The following CNTFR variants were observed in gnomAD, a reference collection of about 807,000 sequenced individuals.
CNTFR encodes ciliary neurotrophic factor receptor.
A neutral mutation model predicts 40.4 loss-of-function variants in CNTFR; 12 were observed. The ratio of observed to expected loss-of-function variants is 0.30; its 90% CI spans 0.19 to 0.48. CNTFR has a LOEUF of 0.48. CNTFR is among the 20% of genes least tolerant of loss of function. CNTFR has a pLI of 0.99. For synonymous variants in CNTFR, 202 were observed against 209.6 expected (o/e 0.96, Z 0.31); for missense variants, 414 against 506.8 (o/e 0.82, Z 1.76).
chr9:34,554,935 C>G (rs1333399987), intron 7 of CNTFR, among the ~76,000 whole-genome samples: 1 of 152,254 alleles, frequency 6.6e-6, no homozygotes, highest in African/African-American at 2.4e-5. Context: ...CGCCACGGAG[C>G]CTGCACACTT....
chr9:34,577,589 A>G (rs558093134), intron 2 of CNTFR, among the ~76,000 whole-genome samples: 1 of 28,718 alleles, frequency 3.5e-5, no homozygotes, highest in East Asian at 1.2e-3. Flanking sequence ...AAAGAAAGAT[A>G]TCAGGAGCTC....
chr9:34,559,878 C>T (rs941462145), intron 4 of CNTFR, among the ~76,000 whole-genome samples: 1 of 152,168 alleles, frequency 6.6e-6, no homozygotes, highest in Non-Finnish European at 1.5e-5. Context: ...AGCCTCCCCA[C>T]TGACCAGGCT....
In CNTFR at chr9:34,564,724, G is replaced by A; in HGVS notation, c.194C>T (p.Ala65Val). 1 of 1,614,132 alleles carries A rather than the reference G, an allele frequency of 6.2e-7. No individual in the cohort carries two copies. The highest frequency in any genetic ancestry group is 8.5e-7 in the Non-Finnish European group (1 of 1,180,012). ...VTWRVNGTDL[A>V]PDLLNGSQLV... ...CTGAGAGCCGTTGAGCAGGTCAGGGGCCAGGTCTGTCCCATTTACCCGCCA... is the reference window on the plus strand; with the variant it reads ...CTGAGAGCCGTTGAGCAGGTCAGGGACCAGGTCTGTCCCATTTACCCGCCA... Residue 65 changes from alanine to valine, a missense_variant, in exon 4 of 10, where the codon GCC becomes GTC. Ala to Val is a moderately conservative substitution (Grantham distance 64). This residue lies in a region of CNTFR where 250 missense variants were observed against 269.5 expected (regional missense o/e 0.93). Transcript: ENST00000378980.
chr9:34,555,490 G>A (rs186578945), intron 7 of CNTFR, among the ~76,000 whole-genome samples: 70 of 152,206 alleles, frequency 4.6e-4, no homozygotes, highest in Admixed American at 1.7e-3. Context: ...GGCCCTCAAA[G>A]CAAGAGAACC....
At chr9:34,553,377 T>C (rs1825712761) in intron 7 of CNTFR, among the ~76,000 whole-genome samples, 1 of 152,166 alleles carries the variant, frequency 6.6e-6, no homozygotes, top group Non-Finnish European at 1.5e-5. Flanking sequence ...TTACTTAACA[T>C]CCTCATGCCT....
rs941687039 is a variant in CNTFR at position 34,552,576 on chromosome 9, A to G, written c.949+98T>C. On this transcript the variant is annotated intron_variant, in intron 8 of 9. Coordinates refer to ENST00000378980, the MANE Select transcript of CNTFR (RefSeq NM_147164.3). The surrounding 1 kb of genome is among the most constrained non-coding windows in gnomAD (Gnocchi z 5.1). ...AGGCAGAAGTGTGGCTACCCCCGGG[A>G]GCAGAGGCTGGAGGCAGCAGGGTAG... 5.3e-5 allele frequency: 69 copies of G among 1,301,220 alleles called. No homozygotes were observed. The highest frequency in any genetic ancestry group is 7.1e-5 in the Non-Finnish European group (68 of 960,682). The allele number at this position is 1,301,220 out of a possible 1,614,324, so 80.6% of individuals were successfully genotyped here.
chr9:34,570,631 C>T (rs2132193132), intron 2 of CNTFR, among the ~76,000 whole-genome samples: 1 of 152,234 alleles, frequency 6.6e-6, no homozygotes, highest in East Asian at 1.9e-4. Context: ...CAAACACTGC[C>T]AGAGACACTG....
At chr9:34,555,528 T>TC (rs924207589) in intron 7 of CNTFR, among the ~76,000 whole-genome samples, 13 of 152,006 alleles carry the variant, frequency 8.6e-5, no homozygotes, top group African/African-American at 3.1e-4. Flanking sequence ...CTCTGGCTGT[T>TC]CCCCAGAGCT....
intron 2 of CNTFR, among the ~76,000 whole-genome samples, chr9:34,577,702 C>T (rs1260404959): frequency 2.0e-5 from 3 of 152,220 alleles, no homozygotes; most frequent in African/African-American, 7.2e-5. Context: ...TGGACACAGC[C>T]AGAGCCCCCT....
intron 1 of CNTFR, chr9:34,582,524 T>G (rs1277967399): frequency 1.3e-5 from 2 of 152,182 alleles, no homozygotes; most frequent in African/African-American, 4.8e-5. Flanking sequence ...AACTGCTCCC[T>G]TGAAAACAGG....
intron 3 of CNTFR, 46 bp from the exon 4 acceptor site, chr9:34,564,878 G>A (rs368407271): frequency 1.1e-4 from 175 of 1,558,994 alleles, no homozygotes; most frequent in Admixed American, 1.8e-4. Context: ...GTCACAGCCC[G>A]GCCCAGCACC....
At chr9:34,576,506 G>A (rs986358300) in intron 2 of CNTFR, among the ~76,000 whole-genome samples, 1 of 152,210 alleles carries the variant, frequency 6.6e-6, no homozygotes, top group Non-Finnish European at 1.5e-5. Flanking sequence ...TTGCCTAGCC[G>A]TGCCTGAGGG....
chr9:34,587,778 A>G (rs971413905), intron 1 of CNTFR, among the ~76,000 whole-genome samples: 2 of 151,912 alleles, frequency 1.3e-5, no homozygotes, highest in Non-Finnish European at 2.9e-5. Context: ...GAGCCCTAGG[A>G]CCCCAGTGAG....
chr9:34,560,421 C>T (rs1206576354), intron 4 of CNTFR, among the ~76,000 whole-genome samples: 3 of 152,166 alleles, frequency 2.0e-5, no homozygotes, highest in African/African-American at 4.8e-5. Context: ...TGTTCAATCT[C>T]GAGACTGTCT....
chr9:34,566,395 G>A (rs1004236124), intron 3 of CNTFR, among the ~76,000 whole-genome samples: 13 of 152,278 alleles, frequency 8.5e-5, no homozygotes, highest in African/African-American at 2.4e-4. Flanking sequence ...ATGAACGGGC[G>A]GAAGGGCGGT....
At chr9:34,576,673 C>A (rs906439254) in intron 2 of CNTFR, among the ~76,000 whole-genome samples, 1 of 152,252 alleles carries the variant, frequency 6.6e-6, no homozygotes, top group Admixed American at 6.5e-5. Context: ...GAAGGGAGAT[C>A]CATTCCAGAC....
intron 2 of CNTFR, among the ~76,000 whole-genome samples, chr9:34,578,758 A>G (rs1827126446): frequency 6.6e-6 from 1 of 152,228 alleles, no homozygotes; most frequent in Admixed American, 6.5e-5. Context: ...GCCTTACTTT[A>G]GGAGCACGGG....
At position 34,552,106 on chromosome 9, in the gene CNTFR, G is replaced by A. The variant is rs1300591366; in HGVS notation, c.*-35C>T. 1 of 1,594,654 alleles carries A rather than the reference G, an allele frequency of 6.3e-7. No individual in the cohort carries two copies. Among genetic ancestry groups the A allele is most frequent in the Non-Finnish European group, 8.6e-7 (1 of 1,168,814 alleles). On this transcript the variant is annotated intron_variant, in intron 9 of 9. Coordinates refer to ENST00000378980, the MANE Select transcript of CNTFR (RefSeq NM_147164.3). This position sits in a 1 kb window ranked among gnomAD's most constrained non-coding sequence, Gnocchi z 5.1. Reference sequence around the variant, plus strand: ...CAGGCAGGGGCCTGTCAGGGAGGGGGCTGGAGTGGGGGTTCCCTCAGGCTC... The same window carrying A: ...CAGGCAGGGGCCTGTCAGGGAGGGGACTGGAGTGGGGGTTCCCTCAGGCTC...
At chr9:34,582,392 A>T (rs953250035) in intron 1 of CNTFR, 3 of 152,012 alleles carry the variant, frequency 2.0e-5, no homozygotes, top group Non-Finnish European at 4.4e-5. Context: ...TACAACTGGT[A>T]GTTGGTAAAG....
Sources: gnomAD v4.1 joint callset for allele counts (sites outside exome capture counted in the v4.1 genomes callset) on GRCh38, gnomAD v4.1.1 for gene constraint, gnomAD v4.1.1 regional missense constraint, Gnocchi (gnomAD v3.1) non-coding constraint, MANE v1.5 for transcripts, NCBI Gene and HGNC (gene_info 2026-07-23, HGNC 2026-07-21) for gene names.